The following LRRTM4 variants were observed in gnomAD, a reference collection of about 807,000 sequenced individuals.
LRRTM4 encodes leucine rich repeat transmembrane neuronal 4.
In LRRTM4, 25 loss-of-function variants were observed where a neutral mutation model predicts 47.6. That is an observed-to-expected ratio of 0.53 (90% CI 0.38 to 0.73). The LOEUF is 0.73. LRRTM4 is among the 30% of genes least tolerant of loss of function. The pLI, the probability that LRRTM4 is intolerant of heterozygous loss-of-function variation, is 0.00. For missense variants in LRRTM4, 638 were observed against 713.4 expected (o/e 0.89, Z 1.20); for synonymous variants, 311 against 269.5 (o/e 1.15, Z -1.51).
At chr2:77,028,852 G>A (rs1045917882) in intron 3 of LRRTM4, among the ~76,000 whole-genome samples, 6 of 151,204 alleles carry the variant, frequency 4.0e-5, no homozygotes, top group East Asian at 3.9e-4. Context: ...TGGCTAACAC[G>A]GTGAAACCAC....
At chr2:76,832,094 C>G (rs1465874117) in intron 3 of LRRTM4, among the ~76,000 whole-genome samples, 1 of 152,058 alleles carries the variant, frequency 6.6e-6, no homozygotes, top group East Asian at 1.9e-4. Flanking sequence ...TAGGCTCCTA[C>G]TTTCTGAACA....
intron 3 of LRRTM4, among the ~76,000 whole-genome samples, chr2:77,225,748 A>T (rs903343762): frequency 6.6e-6 from 1 of 152,146 alleles, no homozygotes; most frequent in Admixed American, 6.6e-5. Flanking sequence ...TAAATAGCTT[A>T]AATTTACCTA....
intron 3 of LRRTM4, among the ~76,000 whole-genome samples, chr2:77,000,610 G>T (rs953994945): frequency 6.6e-6 from 1 of 152,132 alleles, no homozygotes; most frequent in African/African-American, 2.4e-5. Flanking sequence ...GAAGTGGAAG[G>T]TATCTCTTTA....
chr2:76,899,260 C>T (rs1673533475), intron 3 of LRRTM4, among the ~76,000 whole-genome samples: 1 of 151,312 alleles, frequency 6.6e-6, no homozygotes, highest in South Asian at 2.1e-4. Flanking sequence ...TGCAAAAACA[C>T]CTGCCCTCAT....
chr2:77,373,081 A>C (rs1672707940), intron 3 of LRRTM4, among the ~76,000 whole-genome samples: 1 of 125,126 alleles, frequency 8.0e-6, no homozygotes, highest in African/African-American at 2.9e-5. Flanking sequence ...CCAACAATTA[A>C]AAAAAAAATA....
intron 3 of LRRTM4, among the ~76,000 whole-genome samples, chr2:77,371,310 T>A (rs1672647130): frequency 6.6e-6 from 1 of 151,836 alleles, no homozygotes. Flanking sequence ...TATTAAAAAC[T>A]CTACAGACTG....
At chr2:76,968,044 A>G (rs1676086332) in intron 3 of LRRTM4, among the ~76,000 whole-genome samples, 1 of 151,464 alleles carries the variant, frequency 6.6e-6, no homozygotes. Flanking sequence ...TAAAAAGATT[A>G]AAGGTATAAG....
chr2:77,517,627 A>G, intron 3 of LRRTM4: 1 of 984,744 alleles, frequency 1.0e-6, no homozygotes, highest in South Asian at 4.7e-5. Context: ...AAACAAACAA[A>G]CAAACAAAAA....
chr2:76,794,980 T>C (rs1035891869), intron 3 of LRRTM4, among the ~76,000 whole-genome samples: 1 of 152,178 alleles, frequency 6.6e-6, no homozygotes, highest in African/African-American at 2.4e-5. Flanking sequence ...AGGGTGGCTG[T>C]AACTTCACTA....
chr2:76,977,429 T>C (rs1407270928), intron 3 of LRRTM4, among the ~76,000 whole-genome samples: 1 of 151,900 alleles, frequency 6.6e-6, no homozygotes, highest in African/African-American at 2.4e-5. Context: ...GAAAACATTT[T>C]ATTGTAAGCT....
At chr2:77,437,424 G>A (rs1675647064) in intron 3 of LRRTM4, among the ~76,000 whole-genome samples, 1 of 151,974 alleles carries the variant, frequency 6.6e-6, no homozygotes, top group Non-Finnish European at 1.5e-5. Flanking sequence ...GACTTTTTAA[G>A]CCATGGTGTT....
chr2:76,914,744 C>T (rs1418314039), intron 3 of LRRTM4, among the ~76,000 whole-genome samples: 1 of 151,936 alleles, frequency 6.6e-6, no homozygotes, highest in Non-Finnish European at 1.5e-5. Flanking sequence ...TTTATTTGAC[C>T]TAAACTTTTG....
At chr2:76,750,482 C>A (rs1416168343) in intron 3 of LRRTM4, among the ~76,000 whole-genome samples, 1 of 152,178 alleles carries the variant, frequency 6.6e-6, no homozygotes, top group Admixed American at 6.5e-5. Flanking sequence ...AGTTAGCATT[C>A]TTTCTAAAAT....
chr2:77,230,832 T>C (rs1011520091), intron 3 of LRRTM4, among the ~76,000 whole-genome samples: 2 of 152,100 alleles, frequency 1.3e-5, no homozygotes, highest in African/African-American at 4.8e-5. Context: ...AAAGAAATAG[T>C]TATCACTTTA....
chr2:77,072,862 TCTCAGTTATTCGG>T (rs1680207165), intron 3 of LRRTM4, among the ~76,000 whole-genome samples: 1 of 151,758 alleles, frequency 6.6e-6, no homozygotes, highest in African/African-American at 2.4e-5. Context: ...TGTATGATTT[TCTCAGTTATTCGG>T]CTACTTGCGT....
At chr2:76,929,925 TTGTGTGTGTGTG>T (rs3055992) in intron 3 of LRRTM4, among the ~76,000 whole-genome samples, 114 of 149,318 alleles carry the variant, frequency 7.6e-4, no homozygotes, top group African/African-American at 2.5e-3. Context: ...CAATTAGAGT[TTGTGTGTGTGTG>T]TGTGTGTGTG....
chr2:76,931,905 T>C (rs191636282), intron 3 of LRRTM4, among the ~76,000 whole-genome samples: 3 of 152,158 alleles, frequency 2.0e-5, no homozygotes, highest in East Asian at 3.9e-4. Context: ...ATAGAGTGCA[T>C]TAAGTTGAGA....
chr2:76,940,537 A>C (rs1675101792), intron 3 of LRRTM4, among the ~76,000 whole-genome samples: 1 of 152,190 alleles, frequency 6.6e-6, no homozygotes, highest in Non-Finnish European at 1.5e-5. Context: ...ACGAATGGGT[A>C]CTAGGCTTAA....
At chr2:77,458,691 G>A (rs2103967680) in intron 3 of LRRTM4, among the ~76,000 whole-genome samples, 2 of 151,576 alleles carry the variant, frequency 1.3e-5, no homozygotes, top group East Asian at 3.9e-4. Context: ...GCAGAGGTTC[G>A]GTGGATGGCT....
Sources: allele counts gnomAD v4.1 joint callset (sites outside exome capture counted in the v4.1 genomes callset), GRCh38; gene constraint gnomAD v4.1.1; transcripts MANE v1.5; gene names NCBI Gene and HGNC (gene_info 2026-07-23, HGNC 2026-07-21).